The following TCF20 variants were observed in gnomAD, a reference collection of about 807,000 sequenced individuals.
TCF20 encodes the protein transcription factor 20, also known as SPRE-binding protein.
TCF20 carries 3 observed loss-of-function variants against 148.6 expected under a neutral mutation model. The observed-to-expected ratio is 0.02, with a 90% CI of 0.01 to 0.05. The LOEUF (loss-of-function observed/expected upper bound fraction) is 0.05. TCF20 is among the 10% of genes least tolerant of loss of function. The pLI is 1.00. For synonymous variants in TCF20, 1,049 were observed against 909.5 expected (o/e 1.15, Z -2.76); for missense variants, 2,350 against 2,429.3 (o/e 0.97, Z 0.69).
intron 1 of TCF20, among the ~76,000 whole-genome samples, chr22:42,294,638 A>G (rs1927198092): frequency 6.6e-6 from 1 of 152,214 alleles, no homozygotes; most frequent in African/African-American, 2.4e-5. Flanking sequence ...CCACTGATGG[A>G]GGCCAGGCTA....
chr22:42,295,729 C>T (rs568532245), intron 1 of TCF20, among the ~76,000 whole-genome samples: 5 of 152,290 alleles, frequency 3.3e-5, no homozygotes, highest in African/African-American at 9.6e-5. Context: ...CGTGAGCCAC[C>T]GCGCCCGGCC....
chr22:42,214,545 C>T lies in TCF20; in HGVS notation c.761G>A (p.Ser254Asn), dbSNP rs767930085. Residue 254 changes from serine (S) to asparagine (N), a missense_variant, in exon 2 of 6, where the codon AGC (serine) becomes AAC (asparagine). Around this residue, in one of 7 missense-constraint regions of TCF20, gnomAD observed 1,641 missense variants for 1,662.6 expected, o/e 0.99. Coordinates refer to ENST00000677622, the MANE Select transcript of TCF20 (RefSeq NM_001378418.1). Reference protein sequence around the residue: ...SSSFPSPQRFSQSGQSYDGSY... With the variant: ...SSSFPSPQRFNQSGQSYDGSY... Reference sequence around the variant, plus strand: ...GCCATCATAGCTCTGTCCAGACTGGCTAAAACGCTGTGGTGAAGGGAAGGA... The same window carrying T: ...GCCATCATAGCTCTGTCCAGACTGGTTAAAACGCTGTGGTGAAGGGAAGGA... 3.1e-6 allele frequency: 5 copies of T among 1,614,140 alleles called. No homozygotes were observed. In the Admixed American group the frequency reaches 8.3e-5, roughly 27 times the overall value.
intron 1 of TCF20, chr22:42,278,275 C>T (rs134888): frequency 0.56 from 85,250 of 152,048 alleles, 25,180 homozygotes; most frequent in Non-Finnish European, 0.66. Context: ...TCATCTCACA[C>T]GGGCAGCCCT....
intron 1 of TCF20, among the ~76,000 whole-genome samples, chr22:42,321,862 G>A (rs1457154193): frequency 7.3e-5 from 11 of 151,396 alleles, no homozygotes. Context: ...CACAAGAATC[G>A]CTTGAACCCA....
At chr22:42,249,748 T>C (rs1349107400) in intron 1 of TCF20, among the ~76,000 whole-genome samples, 1 of 152,236 alleles carries the variant, frequency 6.6e-6, no homozygotes, top group Admixed American at 6.5e-5. Context: ...TGCCAAATTA[T>C]TCAATGGTGT....
At chr22:42,225,740 G>A (rs1922831112) in intron 1 of TCF20, among the ~76,000 whole-genome samples, 1 of 152,118 alleles carries the variant, frequency 6.6e-6, no homozygotes, top group Non-Finnish European at 1.5e-5. Flanking sequence ...AGAGGCACAG[G>A]GGACCCCACA....
intron 3 of TCF20, among the ~76,000 whole-genome samples, chr22:42,176,320 T>G (rs1016344253): frequency 6.6e-6 from 1 of 152,062 alleles, no homozygotes; most frequent in Non-Finnish European, 1.5e-5. Context: ...GTGAAAGGAA[T>G]GGAGACATAT....
chr22:42,255,668 T>C lies in TCF20; in HGVS notation c.-37+14671A>G, dbSNP rs527408719. 4.6e-5 allele frequency among the ~76,000 whole-genome samples: 7 copies of C among 152,218 alleles called. No individual in the cohort carries two copies. The South Asian group carries it at 1.5e-3, about 32-fold the overall frequency. ...CCAATTGCTAAATTTTACAGATCCT[T>C]CTTATGCAGACTAGGGCTTTGGGCA... On this transcript the variant is annotated intron_variant, in intron 1 of 5. Coordinates refer to ENST00000677622, the MANE Select transcript of TCF20 (RefSeq NM_001378418.1).
upstream of TCF20, among the ~76,000 whole-genome samples, chr22:42,272,624 C>T (rs572110824): frequency 1.3e-5 from 2 of 152,310 alleles, no homozygotes; most frequent in South Asian, 4.1e-4. Context: ...CCCTCCCCGC[C>T]CTTTCAGACC....
At position 42,215,188 on chromosome 22, in the gene TCF20, T is replaced by C. The variant is rs749220008; in HGVS notation, c.118A>G (p.Asn40Asp). 8.7e-6 allele frequency: 14 copies of C among 1,614,022 alleles called. No individual in the cohort carries two copies. In the South Asian group the frequency reaches 1.5e-4, roughly 18 times the overall value. ...FSPRQAQMFQ[N>D]FGGTGGSSGS... ...CTACTGCCACCTGTACCTCCAAAAT[T>C]CTGGAACATCTGGGCCTGACGAGGG... The change falls in exon 2 of 6, where the codon AAT becomes GAT. Residue 40 changes from asparagine (N) to aspartate (D), a missense_variant. Coordinates refer to ENST00000677622, the MANE Select transcript of TCF20 (RefSeq NM_001378418.1).
intron 1 of TCF20, among the ~76,000 whole-genome samples, chr22:42,242,280 CTT>C (rs1195642127): frequency 3.4e-5 from 5 of 148,972 alleles, no homozygotes; most frequent in African/African-American, 1.2e-4. Flanking sequence ...TGGGTGGACT[CTT>C]AGAATGAGAA....
chr22:42,187,818 C>T (rs558288189), intron 2 of TCF20, among the ~76,000 whole-genome samples: 1 of 152,172 alleles, frequency 6.6e-6, no homozygotes, highest in Admixed American at 6.5e-5. Flanking sequence ...TAGCCACAAT[C>T]TTGAGCAGAT....
At chr22:42,340,229 C>G (rs1314129675) in intron 1 of TCF20, among the ~76,000 whole-genome samples, 1 of 152,212 alleles carries the variant, frequency 6.6e-6, no homozygotes, top group African/African-American at 2.4e-5. Context: ...GTTCCCAGGT[C>G]TGTTTCCCCA....
At chr22:42,183,387 C>A (rs1367718131) in intron 2 of TCF20, among the ~76,000 whole-genome samples, 1 of 152,060 alleles carries the variant, frequency 6.6e-6, no homozygotes, top group Non-Finnish European at 1.5e-5. Context: ...CCAGGTGGGC[C>A]CAATCTAATC....
In TCF20 at chr22:42,211,854, G is replaced by C. The variant is rs1338180990; in HGVS notation, c.3452C>G (p.Thr1151Ser). The C allele has an allele frequency of 1.2e-6, 2 of 1,614,180 alleles. No homozygotes were observed. The highest frequency in any genetic ancestry group is 1.7e-6 in the Non-Finnish European group (2 of 1,180,038). ...CTCCTGGGCACTGGGGTCATGGTAA[G>C]TCCCCACTGGTGGGCCATACATCAT... Reference protein sequence around the residue: ...DGMMYGPPVGTYHDPSAQEAG... With the variant: ...DGMMYGPPVGSYHDPSAQEAG... Residue 1151 changes from threonine (T) to serine (S), a missense_variant, in exon 2 of 6, where the codon ACT (threonine) becomes AGT (serine). Coordinates refer to ENST00000677622, the MANE Select transcript of TCF20 (RefSeq NM_001378418.1).
rs370176816 is a variant in TCF20, at chr22:42,168,769, G to A, written c.5800-33C>T. The A allele has an allele frequency of 5.1e-5, 81 of 1,588,548 alleles. 1 individual carries two copies. The highest frequency in any genetic ancestry group is 6.7e-5 in the Non-Finnish European group (78 of 1,167,666). On this transcript the variant is annotated intron_variant, in intron 4 of 5. Transcript: ENST00000677622. The stretch of plus-strand genomic sequence containing the variant: ...GGGCAAAACCAAGAGGAGACAGACA[G>A]GTGGGAGAGGACAGTGCAGAAATCA...
At chr22:42,230,205 A>G (rs1042157423) in intron 1 of TCF20, among the ~76,000 whole-genome samples, 1 of 152,246 alleles carries the variant, frequency 6.6e-6, no homozygotes, top group Non-Finnish European at 1.5e-5. Context: ...TACATAACAC[A>G]TTTCTGTCAA....
chr22:42,324,889 C>T (rs1357067301), intron 1 of TCF20, among the ~76,000 whole-genome samples: 7 of 152,238 alleles, frequency 4.6e-5, no homozygotes, highest in Non-Finnish European at 1.0e-4. Context: ...ATACAAGGCA[C>T]ATGGGGAATA....
intron 1 of TCF20, among the ~76,000 whole-genome samples, chr22:42,241,076 G>T (rs867789615): frequency 3.5e-4 from 54 of 152,206 alleles, no homozygotes; most frequent in African/African-American, 1.3e-3. Flanking sequence ...GGCTGGTCTC[G>T]AACTCCTGAC....
Sources: allele counts gnomAD v4.1 joint callset (sites outside exome capture counted in the v4.1 genomes callset), GRCh38; gene constraint gnomAD v4.1.1; regional missense constraint gnomAD v4.1.1; transcripts MANE v1.5; gene names NCBI Gene and HGNC (gene_info 2026-07-23, HGNC 2026-07-21).